The following SUSD5 variants were observed in gnomAD, a reference collection of about 807,000 sequenced individuals.
SUSD5 encodes sushi domain-containing protein 5.
SUSD5 carries 33 observed loss-of-function variants against 29.5 expected under a neutral mutation model. The ratio of observed to expected loss-of-function variants is 1.12; its 90% CI spans 0.85 to 1.49. The LOEUF is 1.49. Among genes scored for constraint, SUSD5 ranks in the 40% most tolerant of loss-of-function variants. The pLI is 0.00. For missense variants in SUSD5, 776 were observed against 800.6 expected (o/e 0.97, Z 0.37); for synonymous variants, 308 against 325.3 (o/e 0.95, Z 0.57).
intron 3 of SUSD5, among the ~76,000 whole-genome samples, chr3:33,199,350 T>C (rs1366227955): frequency 6.6e-6 from 1 of 152,180 alleles, no homozygotes; most frequent in Non-Finnish European, 1.5e-5. Flanking sequence ...CTCGGCTCAC[T>C]GCAGGCTCCG....
In SUSD5 at chr3:33,204,494, TG is replaced by T. The variant is rs2032176880; in HGVS notation, c.409+3313del. ...CACTACCACACCCGGCTAATTTTTT[TG>T]TATTTTTAGTAGAGACAGGGTTTCA... On this transcript the variant is annotated intron_variant, in intron 3 of 4. Coordinates refer to ENST00000309558, the MANE Select transcript of SUSD5 (RefSeq NM_015551.2). This position sits in a 1 kb window ranked among gnomAD's most constrained non-coding sequence, Gnocchi z 4.5. Among the ~76,000 whole-genome samples, 2 of 152,044 alleles carry T rather than the reference TG, an allele frequency of 1.3e-5. No homozygotes were observed. Among genetic ancestry groups the T allele is most frequent in the African/African-American group, 2.4e-5 (1 of 41,372 alleles).
chr3:33,214,035 G>A lies in SUSD5; in HGVS notation c.183C>T (p.Cys61=), dbSNP rs2032377721. 1.7e-5 allele frequency: 27 copies of A among 1,613,658 alleles called. No individual in the cohort carries two copies. Among genetic ancestry groups the A allele is most frequent in the Non-Finnish European group, 2.1e-5 (25 of 1,179,742 alleles). The change falls in exon 2 of 5, where the codon TGC becomes TGT. Residue 61 remains cysteine (C), a synonymous_variant. Coordinates refer to ENST00000309558, the MANE Select transcript of SUSD5 (RefSeq NM_015551.2). The part of the protein sequence containing the change: ...GLQLEAARLS[C]KSRGAHLASA... Reference sequence around the variant, plus strand: ...ATGCCAGGTGAGCGCCCCTGCTCTTGCAGGAAAGCCGAGCAGCCTCCAGTT... The same window carrying A: ...ATGCCAGGTGAGCGCCCCTGCTCTTACAGGAAAGCCGAGCAGCCTCCAGTT...
chr3:33,159,997 G>A (rs2031146277), intron 4 of SUSD5, among the ~76,000 whole-genome samples: 1 of 152,174 alleles, frequency 6.6e-6, no homozygotes, highest in African/African-American at 2.4e-5. Context: ...AGTGGATGGA[G>A]AGAACCAGAC....
chr3:33,185,949 T>C (rs1325023026), intron 3 of SUSD5, among the ~76,000 whole-genome samples: 1 of 140,052 alleles, frequency 7.1e-6, no homozygotes, highest in African/African-American at 2.5e-5. Context: ...AATGTTACAA[T>C]TAAAAAAAAT....
intron 3 of SUSD5, among the ~76,000 whole-genome samples, chr3:33,202,400 C>G (rs1490000665): frequency 6.6e-6 from 1 of 152,114 alleles, no homozygotes; most frequent in African/African-American, 2.4e-5. Flanking sequence ...AGGGGAGCAT[C>G]CAGCTCTCTT....
Position 33,153,998 on chromosome 3 carries a change from A to G in SUSD5, c.634T>C (p.Phe212Leu). Residue 212 changes from phenylalanine (F) to leucine (L), a missense_variant, in exon 5 of 5, where the codon TTC (phenylalanine) becomes CTC (leucine). By Grantham distance (22) the Phe-to-Leu change is conservative. Transcript: ENST00000309558. ...AATGACACAGATCTGTCATCAGGGA[A>G]GTTATCTTCATAGTCAATGTGTGCC... ...AEAHIDYEDN[F>L]PDDRSVSFRE... 1 of 1,603,442 alleles carries G rather than the reference A, an allele frequency of 6.2e-7. No individual in the cohort carries two copies. The highest frequency in any genetic ancestry group is 8.5e-7 in the Non-Finnish European group (1 of 1,176,928).
chr3:33,171,345 T>A (rs200760825), intron 4 of SUSD5, among the ~76,000 whole-genome samples: 42 of 148,414 alleles, frequency 2.8e-4, no homozygotes, highest in African/African-American at 1.0e-3. Context: ...GACTCCTTCT[T>A]AAAAAAAAAA....
At chr3:33,169,149 G>A (rs2031368363) in intron 4 of SUSD5, among the ~76,000 whole-genome samples, 1 of 152,224 alleles carries the variant, frequency 6.6e-6, no homozygotes, top group African/African-American at 2.4e-5. Context: ...ACTTGGGAAT[G>A]ATGGAAGTGT....
rs927964544 is a variant in SUSD5 at position 33,217,492 on chromosome 3, T to C, written c.112+1194A>G. Among the ~76,000 whole-genome samples, 3 of 152,196 alleles carry C rather than the reference T, an allele frequency of 2.0e-5. No homozygotes were observed. In the East Asian group the frequency reaches 5.8e-4, roughly 29 times the overall value. On this transcript the variant is annotated intron_variant, in intron 1 of 4. Coordinates refer to ENST00000309558, the MANE Select transcript of SUSD5 (RefSeq NM_015551.2). Reference sequence around the variant, plus strand: ...TGAAATACATGTCAATTAAAAAAATTAGCAGTGGTTACTAACAGCCTTCAA... The same window carrying C: ...TGAAATACATGTCAATTAAAAAAATCAGCAGTGGTTACTAACAGCCTTCAA...
At chr3:33,190,844 C>G (rs1437570189) in intron 3 of SUSD5, among the ~76,000 whole-genome samples, 1 of 152,136 alleles carries the variant, frequency 6.6e-6, no homozygotes, top group Non-Finnish European at 1.5e-5. Context: ...AGCAGAGGAC[C>G]TAGACAGACT....
At chr3:33,179,855 A>G (rs971666079) in intron 3 of SUSD5, among the ~76,000 whole-genome samples, 3 of 152,212 alleles carry the variant, frequency 2.0e-5, no homozygotes, top group African/African-American at 7.2e-5. Flanking sequence ...GGAACTGAAT[A>G]TATGATGGTA....
At chr3:33,202,183 G>A (rs188855709) in intron 3 of SUSD5, among the ~76,000 whole-genome samples, 14 of 152,228 alleles carry the variant, frequency 9.2e-5, no homozygotes, top group African/African-American at 2.9e-4. Flanking sequence ...GCAGGTCCAT[G>A]GTAATGAGCT....
At chr3:33,202,934 G>A (rs999648361) in intron 3 of SUSD5, among the ~76,000 whole-genome samples, 11 of 152,142 alleles carry the variant, frequency 7.2e-5, no homozygotes, top group African/African-American at 2.4e-4. Flanking sequence ...GCCATTTTTG[G>A]AATTAGCACT....
chr3:33,170,378 C>A (rs1249850030), intron 4 of SUSD5, among the ~76,000 whole-genome samples: 1 of 152,140 alleles, frequency 6.6e-6, no homozygotes, highest in Non-Finnish European at 1.5e-5. Flanking sequence ...ATGGCCAGAA[C>A]CAGACCTGAA....
In SUSD5 at chr3:33,183,623, A is replaced by C. The variant is rs192792626; in HGVS notation, c.410-8549T>G. Among the ~76,000 whole-genome samples the C allele has an allele frequency of 1.4e-4, 22 of 152,242 alleles. No individual in the cohort carries two copies. The East Asian group carries it at 3.7e-3, about 25-fold the overall frequency. On this transcript the variant is annotated intron_variant, in intron 3 of 4. Transcript: ENST00000309558. ...CTGCTATTATTTTGTACAAACTATTATCTCTCTGATCACTAAGAATACAAA... is the reference window on the plus strand; with the variant it reads ...CTGCTATTATTTTGTACAAACTATTCTCTCTCTGATCACTAAGAATACAAA...
At chr3:33,198,026 C>T (rs9843378) in intron 3 of SUSD5, among the ~76,000 whole-genome samples, 111,184 of 152,102 alleles carry the variant, frequency 0.73, 40,825 homozygotes, top group East Asian at 0.83. Context: ...ATATATAATA[C>T]ATGTATATAT....
chr3:33,152,957 A>G lies in SUSD5; in HGVS notation c.1675T>C (p.Leu559=), dbSNP rs1168047346. ...PGASEELHPT[L]ESCVGDGCPG... ...CATCCGTCCCCCACACACGACTCCA[A>G]GGTGGGATGAAGCTCCTCACTTGCA... Residue 559 remains leucine (L), a synonymous_variant, in exon 5 of 5, where the codon TTG becomes CTG. Coordinates refer to ENST00000309558, the MANE Select transcript of SUSD5 (RefSeq NM_015551.2). The G allele has an allele frequency of 1.2e-6, 2 of 1,613,996 alleles. No homozygotes were observed. Among genetic ancestry groups the G allele is most frequent in the African/African-American group, 1.3e-5 (1 of 75,066 alleles).
intron 3 of SUSD5, among the ~76,000 whole-genome samples, chr3:33,178,262 C>T (rs2031593679): frequency 6.6e-6 from 1 of 152,132 alleles, no homozygotes; most frequent in South Asian, 2.1e-4. Flanking sequence ...GATTTTTCTT[C>T]CATAACCTCT....
intron 4 of SUSD5, among the ~76,000 whole-genome samples, chr3:33,172,570 G>A (rs138512377): frequency 6.6e-6 from 1 of 152,316 alleles, no homozygotes; most frequent in East Asian, 1.9e-4. Flanking sequence ...ATTTTCTTGG[G>A]CAGGTGAATG....
Sources: gnomAD v4.1 joint callset for allele counts (sites outside exome capture counted in the v4.1 genomes callset) on GRCh38, gnomAD v4.1.1 for gene constraint, Gnocchi (gnomAD v3.1) non-coding constraint, MANE v1.5 for transcripts, NCBI Gene and HGNC (gene_info 2026-07-23, HGNC 2026-07-21) for gene names.